Variants in ITIH5 observed in about 807,000 individuals in gnomAD.
ITIH5 encodes the protein inter-alpha-trypsin inhibitor heavy chain H5.
In ITIH5, 65 loss-of-function variants were observed where a neutral mutation model predicts 77.5. That is an observed-to-expected ratio of 0.84 (90% confidence interval 0.69 to 1.03). The LOEUF (loss-of-function observed/expected upper bound fraction) is 1.03. ITIH5 is among the 50% of genes least tolerant of loss of function. The pLI, the probability that ITIH5 is intolerant of heterozygous loss-of-function variation, is 0.00. For synonymous variants in ITIH5, 525 were observed against 494.3 expected (o/e 1.06, Z -0.82); for missense variants, 1,208 against 1,213.1 (o/e 1.00, Z 0.06).
At chr10:7,627,986 C>T (rs964701440) in intron 5 of ITIH5, among the ~76,000 whole-genome samples, 3 of 151,826 alleles carry the variant, frequency 2.0e-5, no homozygotes, top group South Asian at 2.1e-4. Context: ...GGATTACAGG[C>T]GCCTGCCACC....
intron 7 of ITIH5, among the ~76,000 whole-genome samples, chr10:7,589,716 G>GTCC: frequency 6.6e-6 from 1 of 151,718 alleles, no homozygotes; most frequent in East Asian, 1.9e-4. Context: ...GCGGTTTCCC[G>GTCC]TCCTCTCCCA....
At chr10:7,570,007 C>T (rs1317088647) in intron 11 of ITIH5, 3 of 449,568 alleles carry the variant, frequency 6.7e-6, no homozygotes, top group Non-Finnish European at 7.9e-6. Context: ...TTCAGGTCTT[C>T]TAAATTCCAA....
At chr10:7,641,714 G>C (rs1172380549) in intron 3 of ITIH5, among the ~76,000 whole-genome samples, 2 of 137,366 alleles carry the variant, frequency 1.5e-5, no homozygotes, top group African/African-American at 5.4e-5. Flanking sequence ...GGGAGAGAGG[G>C]AGGGAAGGAG....
At chr10:7,592,906 G>A (rs1189237242) in intron 7 of ITIH5, among the ~76,000 whole-genome samples, 1 of 152,098 alleles carries the variant, frequency 6.6e-6, no homozygotes, top group Non-Finnish European at 1.5e-5. Flanking sequence ...GGGGTGCTGG[G>A]CCCAGTTCTC....
rs146008933 is a variant in ITIH5 at position 7,614,479 on chromosome 10, G to A, written c.939+1503C>T. Among the ~76,000 whole-genome samples, 674 of 152,108 alleles carry A rather than the reference G, an allele frequency of 4.4e-3. 6 individuals carry two copies. The highest frequency in any genetic ancestry group is 0.02 in the Middle Eastern group (6 of 294). On this transcript the variant is annotated intron_variant, in intron 7 of 13. Coordinates refer to ENST00000397146, the MANE Select transcript of ITIH5 (RefSeq NM_030569.7). Reference sequence around the variant, plus strand: ...TTAAAACATCGTGAGATTTTTTTGCGTGATTTTTTTTTTAGCTCATTAGTA... The same window carrying A: ...TTAAAACATCGTGAGATTTTTTTGCATGATTTTTTTTTTAGCTCATTAGTA...
chr10:7,607,775 T>C (rs2131018588), intron 7 of ITIH5, among the ~76,000 whole-genome samples: 2 of 152,314 alleles, frequency 1.3e-5, no homozygotes, highest in Admixed American at 1.3e-4. Context: ...GATAGCGCCA[T>C]TGCACTCCGG....
At chr10:7,656,627 C>A (rs1834187682) in intron 1 of ITIH5, among the ~76,000 whole-genome samples, 1 of 152,110 alleles carries the variant, frequency 6.6e-6, no homozygotes, top group African/African-American at 2.4e-5. Context: ...ATCTCATTAA[C>A]TAATAGAAGT....
intron 5 of ITIH5, chr10:7,620,818 A>C (rs566499661): frequency 6.6e-6 from 1 of 152,292 alleles, no homozygotes; most frequent in Admixed American, 6.5e-5. Flanking sequence ...TTTTCAGCGC[A>C]GTGTCGGTGA....
At chr10:7,645,371 A>G (rs1833994979) in intron 2 of ITIH5, among the ~76,000 whole-genome samples, 1 of 152,192 alleles carries the variant, frequency 6.6e-6, no homozygotes, top group Non-Finnish European at 1.5e-5. Flanking sequence ...TCCTCGGACC[A>G]GCAGCATCAC....
At chr10:7,633,754 A>G (rs1179848948) in intron 5 of ITIH5, among the ~76,000 whole-genome samples, 1 of 152,160 alleles carries the variant, frequency 6.6e-6, no homozygotes, top group Non-Finnish European at 1.5e-5. Context: ...TCTAGCACAC[A>G]GTAGTAATCC....
chr10:7,571,688 A>G (rs1175115826), intron 11 of ITIH5: 1 of 152,534 alleles, frequency 6.6e-6, no homozygotes, highest in African/African-American at 2.4e-5. Context: ...AAGTGCTGGG[A>G]TTACAGACAT....
intron 2 of ITIH5, among the ~76,000 whole-genome samples, chr10:7,644,564 A>ATATATG: frequency 7.4e-6 from 1 of 135,772 alleles, no homozygotes; most frequent in South Asian, 2.3e-4. Context: ...TCACATATAT[A>ATATATG]TGATATATAT....
intron 2 of ITIH5, among the ~76,000 whole-genome samples, chr10:7,645,574 G>C (rs1022565417): frequency 6.6e-6 from 1 of 152,166 alleles, no homozygotes; most frequent in Non-Finnish European, 1.5e-5. Context: ...AGTGAAAAGG[G>C]CTTGAATAAA....
At chr10:7,574,801 A>AGG (rs1832375279) in intron 10 of ITIH5, among the ~76,000 whole-genome samples, 1 of 24,736 alleles carries the variant, frequency 4.0e-5, no homozygotes, top group Non-Finnish European at 8.7e-5. Flanking sequence ...TCGGAAAAAA[A>AGG]AAAAAAAAAA....
At position 7,657,022 on chromosome 10, in the gene ITIH5, G is replaced by A. The variant is rs552111176; in HGVS notation, c.91-1347C>T. Among the ~76,000 whole-genome samples, 652 of 137,040 alleles carry A rather than the reference G, an allele frequency of 4.8e-3. 4 individuals are homozygous for A. The highest frequency in any genetic ancestry group is 7.0e-3 in the Non-Finnish European group (452 of 64,596). 89.9% of individuals were successfully genotyped at this position (137,040 alleles called of 152,430 possible). On this transcript the variant is annotated intron_variant, in intron 1 of 13. Transcript: ENST00000397146. ...CTCCCAAAGTGCTGGGATTACAGGC[G>A]TGAGCCACCGCGTTCGGCCTTTTTT... is the stretch of plus-strand genomic sequence containing the variant.
At chr10:7,595,124 C>T (rs972746032) in intron 7 of ITIH5, among the ~76,000 whole-genome samples, 2 of 152,098 alleles carry the variant, frequency 1.3e-5, no homozygotes, top group African/African-American at 4.8e-5. Context: ...GAGGCTGAGG[C>T]AGGAGGATCA....
At chr10:7,567,665 AGTT>A (rs1000105232) in intron 12 of ITIH5, among the ~76,000 whole-genome samples, 19 of 152,144 alleles carry the variant, frequency 1.2e-4, no homozygotes, top group Admixed American at 1.1e-3. Flanking sequence ...ATGTAAACTT[AGTT>A]GTTGTTTTTT....
intron 7 of ITIH5, among the ~76,000 whole-genome samples, chr10:7,613,043 G>A (rs150274269): frequency 0.025 from 3,769 of 152,190 alleles, 68 homozygotes; most frequent in Admixed American, 0.04. Context: ...TTAGGAGTTC[G>A]AGACCAGCCT....
intron 2 of ITIH5, among the ~76,000 whole-genome samples, chr10:7,644,766 A>C (rs1325598774): frequency 2.1e-5 from 3 of 142,586 alleles, no homozygotes; most frequent in African/African-American, 7.9e-5. Flanking sequence ...TATCACATAT[A>C]TATCATATAT....
Sources: gnomAD v4.1 joint callset for allele counts (sites outside exome capture counted in the v4.1 genomes callset) on GRCh38, gnomAD v4.1.1 for gene constraint, MANE v1.5 for transcripts, NCBI Gene and HGNC (gene_info 2026-07-23, HGNC 2026-07-21) for gene names.